The following GABBR2 variants were observed in gnomAD, a reference collection of about 807,000 sequenced individuals.
The protein encoded by GABBR2 is G-protein coupled receptor 51.
A neutral mutation model predicts 105.6 loss-of-function variants in GABBR2; 23 were observed. The observed-to-expected ratio is 0.22, with a 90% CI of 0.16 to 0.31. The LOEUF is 0.31. Among genes scored for constraint, GABBR2 ranks in the 10% least tolerant of loss-of-function variants. The pLI is 1.00. For synonymous variants in GABBR2, 478 were observed against 499.7 expected (o/e 0.96, Z 0.58); for missense variants, 734 against 1,245.5 (o/e 0.59, Z 6.18).
At chr9:98,637,296 A>C (rs2131833370) in intron 1 of GABBR2, among the ~76,000 whole-genome samples, 1 of 152,252 alleles carries the variant, frequency 6.6e-6, no homozygotes, top group Non-Finnish European at 1.5e-5. Context: ...GGGAACCTTT[A>C]ACATCCCCCT....
Position 98,371,488 on chromosome 9 carries a change from G to A in GABBR2, c.1746C>T (p.Phe582=), listed in dbSNP as rs745662893. The A allele has an allele frequency of 1.3e-6, 2 of 1,598,904 alleles. No individual in the cohort carries two copies. The highest frequency in any genetic ancestry group is 2.7e-5 in the African/African-American group (2 of 74,534). ...FAKTWRVHAI[F]KNVKMKKKII... is the part of the protein sequence containing the mutation. The stretch of plus-strand genomic sequence containing the variant: ...CCTTCTTCTTCATTTTCACATTTTT[G>A]AAGATGGCGTGGACTCTCCAGGTCT... Residue 582 remains phenylalanine, a synonymous_variant, in exon 12 of 19, where the codon TTC becomes TTT. Coordinates refer to ENST00000259455, the MANE Select transcript of GABBR2 (RefSeq NM_005458.8).
chr9:98,349,596 C>T (rs549718966), intron 13 of GABBR2, among the ~76,000 whole-genome samples: 10 of 152,104 alleles, frequency 6.6e-5, no homozygotes, highest in South Asian at 2.1e-4. Context: ...CCTCGTGATC[C>T]GCCTTCCCTG....
At chr9:98,476,576 T>C (rs940880369) in intron 5 of GABBR2, among the ~76,000 whole-genome samples, 1 of 152,240 alleles carries the variant, frequency 6.6e-6, no homozygotes, top group African/African-American at 2.4e-5. Context: ...GCAAACACTA[T>C]GTTCAGAAAC....
intron 13 of GABBR2, among the ~76,000 whole-genome samples, chr9:98,322,757 C>T (rs866917090): frequency 1.3e-5 from 2 of 152,208 alleles, no homozygotes; most frequent in South Asian, 2.1e-4. Context: ...CTTCATAGGA[C>T]GGTGAAGTTC....
chr9:98,308,867 C>T (rs539589371), intron 14 of GABBR2, among the ~76,000 whole-genome samples: 14 of 152,318 alleles, frequency 9.2e-5, no homozygotes, highest in South Asian at 4.1e-4. Context: ...CCAAAGGAAA[C>T]GAACACATCA....
chr9:98,518,887 T>A (rs1217137484), intron 3 of GABBR2, among the ~76,000 whole-genome samples: 2 of 152,110 alleles, frequency 1.3e-5, no homozygotes, highest in South Asian at 4.1e-4. Flanking sequence ...GTGGTCTAGG[T>A]GAGCCGACTG....
chr9:98,525,362 C>G (rs957051576), intron 3 of GABBR2, among the ~76,000 whole-genome samples: 4 of 152,164 alleles, frequency 2.6e-5, no homozygotes, highest in African/African-American at 9.7e-5. Flanking sequence ...ATAGGCATAT[C>G]TCCAAAGAGG....
At chr9:98,703,231 T>A (rs1830853776) in intron 1 of GABBR2, among the ~76,000 whole-genome samples, 1 of 152,126 alleles carries the variant, frequency 6.6e-6, no homozygotes, top group South Asian at 2.1e-4. Context: ...ACAGAAGAAA[T>A]CAAAGCCAAG....
intron 13 of GABBR2, among the ~76,000 whole-genome samples, chr9:98,353,807 G>C (rs1253826801): frequency 3.2e-4 from 1 of 3,104 alleles, no homozygotes; most frequent in Non-Finnish European, 5.9e-4. Context: ...GGATCATGGT[G>C]GGGGGGGGTG....
intron 7 of GABBR2, among the ~76,000 whole-genome samples, chr9:98,413,539 T>C (rs1306021998): frequency 1.3e-5 from 2 of 152,234 alleles, no homozygotes; most frequent in East Asian, 3.8e-4. Flanking sequence ...AAAAATTCTT[T>C]TGTTAGACAC....
intron 1 of GABBR2, among the ~76,000 whole-genome samples, chr9:98,600,808 C>T (rs535512409): frequency 5.9e-5 from 9 of 152,360 alleles, no homozygotes; most frequent in African/African-American, 9.6e-5. Flanking sequence ...GCCTCTGCAC[C>T]GCACCGCCAC....
intron 1 of GABBR2, among the ~76,000 whole-genome samples, chr9:98,651,922 C>T (rs1309079319): frequency 6.6e-6 from 1 of 152,036 alleles, no homozygotes; most frequent in Non-Finnish European, 1.5e-5. Context: ...TATAAGAGTA[C>T]TTATCTTTCA....
chr9:98,300,260 G>A (rs550357712), intron 16 of GABBR2, among the ~76,000 whole-genome samples: 3 of 151,972 alleles, frequency 2.0e-5, no homozygotes, highest in African/African-American at 7.2e-5. Context: ...TGGAGACTCT[G>A]ACCTGCAGGG....
chr9:98,690,837 C>T (rs1830674209), intron 1 of GABBR2, among the ~76,000 whole-genome samples: 1 of 152,212 alleles, frequency 6.6e-6, no homozygotes, highest in Non-Finnish European at 1.5e-5. Context: ...ACTTCCTCTG[C>T]AGCCAGACTG....
At chr9:98,318,917 G>GTGTT (rs376858208) in intron 13 of GABBR2, among the ~76,000 whole-genome samples, 4,920 of 142,692 alleles carry the variant, frequency 0.034, 153 homozygotes, top group East Asian at 0.11. Context: ...GTGTGTGTTG[G>GTGTT]GGGTGTGTGT....
At chr9:98,663,010 G>C (rs1830284209) in intron 1 of GABBR2, among the ~76,000 whole-genome samples, 1 of 152,170 alleles carries the variant, frequency 6.6e-6, no homozygotes, top group Non-Finnish European at 1.5e-5. Context: ...GCATCAGGTT[G>C]ATTAAGGATG....
At chr9:98,451,486 C>T (rs182717054) in intron 7 of GABBR2, among the ~76,000 whole-genome samples, 84 of 152,238 alleles carry the variant, frequency 5.5e-4, no homozygotes, top group African/African-American at 2.0e-3. Flanking sequence ...TTTTGGAAAT[C>T]GACTTCATTT....
At chr9:98,402,519 C>T (rs1407608450) in intron 8 of GABBR2, among the ~76,000 whole-genome samples, 1 of 152,108 alleles carries the variant, frequency 6.6e-6, no homozygotes, top group African/African-American at 2.4e-5. Context: ...AGAATAGCAC[C>T]TGCCTGAGAT....
intron 13 of GABBR2, among the ~76,000 whole-genome samples, chr9:98,315,667 C>G (rs1054798239): frequency 1.3e-5 from 2 of 152,158 alleles, no homozygotes; most frequent in Non-Finnish European, 2.9e-5. Flanking sequence ...ACCCCCCAAC[C>G]CCCAGTGCTT....
Sources: allele counts gnomAD v4.1 joint callset (sites outside exome capture counted in the v4.1 genomes callset), GRCh38; gene constraint gnomAD v4.1.1; transcripts MANE v1.5; gene names NCBI Gene and HGNC (gene_info 2026-07-23, HGNC 2026-07-21).